JAKMIP1: variants seen among roughly 807,000 people sequenced by gnomAD.
JAKMIP1 encodes the protein janus kinase and microtubule interacting protein 1.
In JAKMIP1, 33 loss-of-function variants were observed where a neutral mutation model predicts 113.0. The observed-to-expected ratio is 0.29, with a 90% CI of 0.22 to 0.39. JAKMIP1 has a LOEUF of 0.39. Ranked by LOEUF, JAKMIP1 falls within the 10% of genes least tolerant of loss-of-function variation. The pLI, the probability that JAKMIP1 is intolerant of heterozygous loss-of-function variation, is 1.00. For missense variants in JAKMIP1, 813 were observed against 1,080.5 expected (o/e 0.75, Z 3.47); for synonymous variants, 480 against 459.9 (o/e 1.04, Z -0.56).
intron 1 of JAKMIP1, among the ~76,000 whole-genome samples, chr4:6,198,553 C>G (rs1410528112): frequency 6.6e-6 from 1 of 152,094 alleles, no homozygotes; most frequent in Non-Finnish European, 1.5e-5. Flanking sequence ...CCTTTGGGAG[C>G]TGCTTACTGC....
intron 1 of JAKMIP1, among the ~76,000 whole-genome samples, chr4:6,170,852 A>G (rs533253616): frequency 2.1e-5 from 3 of 145,018 alleles, no homozygotes; most frequent in African/African-American, 7.7e-5. Context: ...CACCATCCCC[A>G]TCACCATGAC....
At position 6,176,821 on chromosome 4, in the gene JAKMIP1, CCA is replaced by C. The variant is rs1725395040; in HGVS notation, c.-148+23430_-148+23431del. Among the ~76,000 whole-genome samples the C allele has an allele frequency of 6.6e-6, 1 of 152,114 alleles. No homozygotes were observed. The highest frequency in any genetic ancestry group is 1.5e-5 in the Non-Finnish European group (1 of 68,030). On this transcript the variant is annotated intron_variant, in intron 1 of 20. Coordinates refer to ENST00000409021, the MANE Select transcript of JAKMIP1 (RefSeq NM_001099433.2). This position sits in a 1 kb window ranked among gnomAD's most constrained non-coding sequence, Gnocchi z 5.5. ...GCCGAGGCAGGCGGATCACTTGAGC[CCA>C]GAAGTTAGAAACCAGCCTGGGCAAC... is the stretch of plus-strand genomic sequence containing the variant.
chr4:6,063,292 A>T (rs544842735), intron 9 of JAKMIP1, among the ~76,000 whole-genome samples: 1 of 152,366 alleles, frequency 6.6e-6, no homozygotes, highest in Non-Finnish European at 1.5e-5. Flanking sequence ...GCCATGAGAG[A>T]GGATGAGGCA....
At position 6,162,474 on chromosome 4, in the gene JAKMIP1, C is replaced by T. The variant is rs1396267153; in HGVS notation, c.-148+37779G>A. Among the ~76,000 whole-genome samples, 3 of 152,148 alleles carry T rather than the reference C, an allele frequency of 2.0e-5. No homozygotes were observed. Among genetic ancestry groups the T allele is most frequent in the African/African-American group, 7.2e-5 (3 of 41,448 alleles). On this transcript the variant is annotated intron_variant, in intron 1 of 20. Coordinates refer to ENST00000409021, the MANE Select transcript of JAKMIP1 (RefSeq NM_001099433.2). The surrounding 1 kb of genome is among the most constrained non-coding windows in gnomAD (Gnocchi z 5.6). ...GACAGGGGCAGATGGAGCCAGGGCC[C>T]TTGGTCCCTTCTACACAATCCAGAT... is the stretch of plus-strand genomic sequence containing the variant.
chr4:6,191,983 A>G (rs1578519160), intron 1 of JAKMIP1, among the ~76,000 whole-genome samples: 1 of 146,000 alleles, frequency 6.8e-6, no homozygotes, highest in Admixed American at 6.9e-5. Context: ...CCCAGGCTGG[A>G]GTGCAATGGC....
chr4:6,112,683 T>C, intron 2 of JAKMIP1, 39 bp downstream of exon 2: 1 of 1,603,450 alleles, frequency 6.2e-7, no homozygotes. Context: ...AAAGGGACAT[T>C]TGCAGCCCAG....
intron 1 of JAKMIP1, among the ~76,000 whole-genome samples, chr4:6,134,889 C>T (rs1178677733): frequency 6.6e-6 from 1 of 151,192 alleles, no homozygotes; most frequent in Non-Finnish European, 1.5e-5. Flanking sequence ...TAAATAAAGA[C>T]AGCCCAAAAC....
chr4:6,028,026 C>T (rs1008514323), intron 20 of JAKMIP1, among the ~76,000 whole-genome samples: 1 of 152,200 alleles, frequency 6.6e-6, no homozygotes, highest in Non-Finnish European at 1.5e-5. Context: ...TCCCTACATC[C>T]ACCCTCAGAG....
In JAKMIP1 at chr4:6,049,969, G is replaced by C; in HGVS notation, c.1909-97C>G. On this transcript the variant is annotated intron_variant, in intron 14 of 20. Coordinates refer to ENST00000409021, the MANE Select transcript of JAKMIP1 (RefSeq NM_001099433.2). The surrounding 1 kb of genome is among the most constrained non-coding windows in gnomAD (Gnocchi z 7.0). ...GCCTTTCCTCTGGACAAGACACCGC[G>C]CTCTTTCTTTTCTTTTCTGGCCAAG... 1.2e-6 allele frequency: 1 copy of C among 831,484 alleles called. No individual in the cohort carries two copies. Among genetic ancestry groups the C allele is most frequent in the East Asian group, 2.6e-5 (1 of 39,118 alleles). The allele number at this position is 831,484 out of a possible 1,614,324, so 51.5% of individuals were successfully genotyped here.
chr4:6,045,467 T>C (rs765281430), intron 16 of JAKMIP1, among the ~76,000 whole-genome samples: 1 of 152,154 alleles, frequency 6.6e-6, no homozygotes, highest in African/African-American at 2.4e-5. Flanking sequence ...AGGGCCTCAG[T>C]GGGCGGAGAT....
intron 4 of JAKMIP1, 126 bp from the exon 5 acceptor site, chr4:6,085,091 C>A: frequency 1.7e-6 from 2 of 1,184,726 alleles, no homozygotes; most frequent in East Asian, 2.6e-5. Flanking sequence ...GGCCCACATG[C>A]CACACAGCAA....
At position 6,142,241 on chromosome 4, in the gene JAKMIP1, T is replaced by A. The variant is rs900702274; in HGVS notation, c.-147-29244A>T. On this transcript the variant is annotated intron_variant, in intron 1 of 20. Transcript: ENST00000409021. This position sits in a 1 kb window ranked among gnomAD's most constrained non-coding sequence, Gnocchi z 5.5. ...GGATTTTGTACAGATTTAGAATTTT[T>A]TTCCATGGAGAGATTCCCTTTCCAA... 6.6e-6 allele frequency among the ~76,000 whole-genome samples: 1 copy of A among 152,198 alleles called. No individual in the cohort carries two copies. Among genetic ancestry groups the A allele is most frequent in the African/African-American group, 2.4e-5 (1 of 41,448 alleles).
Position 6,042,302 on chromosome 4 carries a change from TG to T in JAKMIP1, c.2029-76del. 8.4e-7 allele frequency: 1 copy of T among 1,192,442 alleles called. No homozygotes were observed. The highest frequency in any genetic ancestry group is 1.2e-6 in the Non-Finnish European group (1 of 801,108). The allele number at this position is 1,192,442 out of a possible 1,614,324, so 73.9% of individuals were successfully genotyped here. A position where few individuals can be genotyped will look rare whatever the true frequency, so the allele number is the denominator to read the frequency against. ...CCAAGGGGCTGTGGAATTTCACAGG[TG>T]TGTGAATTTCATAGATCGGCTTCCT... On this transcript the variant is annotated intron_variant, in intron 16 of 20. Transcript: ENST00000409021. This position sits in a 1 kb window ranked among gnomAD's most constrained non-coding sequence, Gnocchi z 5.2.
At chr4:6,124,771 T>C (rs776136692) in intron 1 of JAKMIP1, among the ~76,000 whole-genome samples, 1 of 152,208 alleles carries the variant, frequency 6.6e-6, no homozygotes, top group Non-Finnish European at 1.5e-5. Context: ...ACAGGCCACC[T>C]GGGATCACCT....
chr4:6,035,900 C>T lies in JAKMIP1; in HGVS notation c.2379+4G>A. 1 of 1,547,400 alleles carries T rather than the reference C, an allele frequency of 6.5e-7. No homozygotes were observed. The highest frequency in any genetic ancestry group is 8.7e-7 in the Non-Finnish European group (1 of 1,145,682). ...CTGTGGGCACAGCCGCTGTTGCCGC[C>T]TACCTGCTGGGCCTGCTGCAGCAGC... On this transcript the variant is annotated splice_donor_region_variant and intron_variant, in intron 19 of 20. Coordinates refer to ENST00000409021, the MANE Select transcript of JAKMIP1 (RefSeq NM_001099433.2).
Position 6,094,596 on chromosome 4 carries a change from GC to G in JAKMIP1, c.625-8968del, listed in dbSNP as rs912173000. 7.9e-5 allele frequency among the ~76,000 whole-genome samples: 12 copies of G among 152,308 alleles called. No individual in the cohort carries two copies. The highest frequency in any genetic ancestry group is 1.3e-4 in the Admixed American group (2 of 15,306). On this transcript the variant is annotated intron_variant, in intron 3 of 20. Transcript: ENST00000409021. This position sits in a 1 kb window ranked among gnomAD's most constrained non-coding sequence, Gnocchi z 4.2. Reference sequence around the variant, plus strand: ...CCTGAGGCCCAAGGCCTTAAGCTGTGCCTTGATTCCTCCTACCTTGTCAAAC... The same window carrying G: ...CCTGAGGCCCAAGGCCTTAAGCTGTGCTTGATTCCTCCTACCTTGTCAAAC...
chr4:6,117,866 C>T (rs568474335), intron 1 of JAKMIP1, among the ~76,000 whole-genome samples: 7 of 152,356 alleles, frequency 4.6e-5, no homozygotes, highest in African/African-American at 1.7e-4. Context: ...GCCTGGCTCA[C>T]CAGCGGTCAG....
At chr4:6,190,699 G>A (rs1295779086) in intron 1 of JAKMIP1, among the ~76,000 whole-genome samples, 1 of 152,238 alleles carries the variant, frequency 6.6e-6, no homozygotes, top group Non-Finnish European at 1.5e-5. Context: ...GCTGACGCCT[G>A]CAAATCTCAG....
At chr4:6,119,034 C>T (rs139189065) in intron 1 of JAKMIP1, among the ~76,000 whole-genome samples, 2 of 152,126 alleles carry the variant, frequency 1.3e-5, no homozygotes, top group African/African-American at 2.4e-5. Flanking sequence ...CGGAGCACTG[C>T]GGCCACACCA....
Sources: gnomAD v4.1 joint callset for allele counts (sites outside exome capture counted in the v4.1 genomes callset) on GRCh38, gnomAD v4.1.1 for gene constraint, Gnocchi (gnomAD v3.1) non-coding constraint, MANE v1.5 for transcripts, NCBI Gene and HGNC (gene_info 2026-07-23, HGNC 2026-07-21) for gene names.